The following VAT1L variants were observed in gnomAD, a reference collection of about 807,000 sequenced individuals.
The protein encoded by VAT1L is putative NADPH-dependent quinone oxidoreductase VAT1L.
Under a neutral mutation model 44.1 loss-of-function variants are expected in VAT1L, and 34 were observed. The ratio of observed to expected loss-of-function variants is 0.77; its 90% CI spans 0.59 to 1.03. The LOEUF is 1.03. VAT1L is among the 50% of genes least tolerant of loss of function. VAT1L has a pLI of 0.00. For missense variants in VAT1L, 615 were observed against 538.8 expected (o/e 1.14, Z -1.40); for synonymous variants, 253 against 202.2 (o/e 1.25, Z -2.13).
intron 1 of VAT1L, among the ~76,000 whole-genome samples, chr16:77,792,039 G>C (rs921229036): frequency 7.2e-5 from 11 of 152,100 alleles, no homozygotes; most frequent in Non-Finnish European, 1.6e-4. Context: ...ATGCCCCTGG[G>C]GGATGTGTCT....
intron 7 of VAT1L, among the ~76,000 whole-genome samples, chr16:77,952,087 G>A (rs1429817627): frequency 6.6e-6 from 1 of 152,174 alleles, no homozygotes; most frequent in Non-Finnish European, 1.5e-5. Flanking sequence ...CCCAGAGACT[G>A]GGAGATAGGG....
At chr16:77,844,900 A>C (rs1220316813) in intron 3 of VAT1L, among the ~76,000 whole-genome samples, 1 of 152,206 alleles carries the variant, frequency 6.6e-6, no homozygotes, top group Non-Finnish European at 1.5e-5. Flanking sequence ...TATCATAGAG[A>C]ATATCAGGCA....
Position 77,957,438 on chromosome 16 carries a change from A to AT in VAT1L, c.1078-14406dup, listed in dbSNP as rs980038692. Among the ~76,000 whole-genome samples the AT allele has an allele frequency of 2.2e-4, 33 of 152,254 alleles. 1 individual carries two copies. The highest frequency in any genetic ancestry group is 7.0e-4 in the African/African-American group (29 of 41,564). On this transcript the variant is annotated intron_variant, in intron 7 of 8. Transcript: ENST00000302536. ...AAAGCCAAAAAAAAGTTTAAAATCT[A>AT]TTTTTTAGCAAGGTGCAGTGGCTCA...
chr16:77,795,745 A>G (rs3906551), intron 1 of VAT1L, among the ~76,000 whole-genome samples: 28,531 of 148,984 alleles, frequency 0.19, 3,037 homozygotes, highest in African/African-American at 0.28. Flanking sequence ...GCAGACATGG[A>G]TTAAAATTTT....
intron 7 of VAT1L, among the ~76,000 whole-genome samples, chr16:77,957,834 T>C (rs1394058006): frequency 6.6e-6 from 1 of 151,420 alleles, no homozygotes. Context: ...TCGTGTGGAA[T>C]TGCAGGAGTG....
rs528550512 is a variant in VAT1L at position 77,811,498 on chromosome 16, C to T, written c.234-5423C>T. On this transcript the variant is annotated intron_variant, in intron 1 of 8. Transcript: ENST00000302536. ...TGGTTTATAGATCACACAATGACAG[C>T]CTGGTGGTCAGAACTCAAGCTTGGC... 9.9e-5 allele frequency among the ~76,000 whole-genome samples: 15 copies of T among 152,256 alleles called. 1 individual carries two copies. Among genetic ancestry groups the T allele is most frequent in the Admixed American group, 8.5e-4 (13 of 15,294 alleles).
chr16:77,944,591 GT>G (rs1357221058), intron 7 of VAT1L, among the ~76,000 whole-genome samples: 1 of 152,132 alleles, frequency 6.6e-6, no homozygotes, highest in Non-Finnish European at 1.5e-5. Context: ...GTATAAAATT[GT>G]TGTGAAGATT....
intron 3 of VAT1L, among the ~76,000 whole-genome samples, chr16:77,825,861 A>AAC (rs952847646): frequency 2.9e-4 from 44 of 149,812 alleles, no homozygotes; most frequent in Non-Finnish European, 4.6e-4. Flanking sequence ...CTAAAAATAA[A>AAC]AAAAAAAAAA....
chr16:77,975,379 T>C (rs2018327621), intron 8 of VAT1L, among the ~76,000 whole-genome samples: 1 of 151,752 alleles, frequency 6.6e-6, no homozygotes, highest in African/African-American at 2.4e-5. Flanking sequence ...ACCTGGCTAA[T>C]TTTTGTATTT....
At chr16:77,939,636 G>T (rs1252268322) in intron 7 of VAT1L, among the ~76,000 whole-genome samples, 2 of 152,120 alleles carry the variant, frequency 1.3e-5, no homozygotes, top group Admixed American at 6.6e-5. Context: ...AAACCCTCTT[G>T]CTACCGAAGG....
intron 3 of VAT1L, 54 bp from the exon 4 acceptor site, chr16:77,862,694 G>A (rs550683616): frequency 6.4e-5 from 100 of 1,568,984 alleles, no homozygotes; most frequent in Non-Finnish European, 7.7e-5. Context: ...CAGCAAGACT[G>A]GCTATGATCT....
At chr16:77,949,986 C>T (rs1039713382) in intron 7 of VAT1L, among the ~76,000 whole-genome samples, 12 of 152,186 alleles carry the variant, frequency 7.9e-5, no homozygotes, top group African/African-American at 2.7e-4. Flanking sequence ...CTTAAGTTTT[C>T]CCTCAGCCAT....
At chr16:77,920,739 T>C (rs2017602572) in intron 7 of VAT1L, among the ~76,000 whole-genome samples, 1 of 152,190 alleles carries the variant, frequency 6.6e-6, no homozygotes, top group Admixed American at 6.5e-5. Flanking sequence ...TTGCTTACAG[T>C]ATTCAGTCCA....
chr16:77,802,027 C>A (rs529001082), intron 1 of VAT1L, among the ~76,000 whole-genome samples: 1 of 152,162 alleles, frequency 6.6e-6, no homozygotes, highest in Non-Finnish European at 1.5e-5. Context: ...CTCTGTCTGA[C>A]CCCGGAGGAG....
chr16:77,838,373 G>T (rs538005927), intron 3 of VAT1L, among the ~76,000 whole-genome samples: 17 of 152,182 alleles, frequency 1.1e-4, no homozygotes, highest in African/African-American at 4.1e-4. Context: ...CGTGGTCTCT[G>T]TTCTCACTGA....
chr16:77,859,250 T>A (rs929564214), intron 3 of VAT1L, among the ~76,000 whole-genome samples: 1 of 151,760 alleles, frequency 6.6e-6, no homozygotes, highest in Non-Finnish European at 1.5e-5. Flanking sequence ...CAGTGAGCCA[T>A]GATTGAACCA....
At chr16:77,900,872 G>A (rs1353514883) in intron 7 of VAT1L, among the ~76,000 whole-genome samples, 1 of 151,964 alleles carries the variant, frequency 6.6e-6, no homozygotes, top group East Asian at 1.9e-4. Context: ...AATGCCCCAA[G>A]TCTGCTCATG....
chr16:77,952,816 C>T (rs2018059356), intron 7 of VAT1L, among the ~76,000 whole-genome samples: 1 of 135,076 alleles, frequency 7.4e-6, no homozygotes, highest in Admixed American at 8.4e-5. Context: ...AAGATGGTAC[C>T]ACTGCATTCT....
At chr16:77,900,907 A>G (rs1319141986) in intron 7 of VAT1L, among the ~76,000 whole-genome samples, 1 of 152,068 alleles carries the variant, frequency 6.6e-6, no homozygotes. Context: ...AATTAAGGGC[A>G]TGTTATGATG....
Sources: gnomAD v4.1 joint callset for allele counts (sites outside exome capture counted in the v4.1 genomes callset) on GRCh38, gnomAD v4.1.1 for gene constraint, MANE v1.5 for transcripts, NCBI Gene and HGNC (gene_info 2026-07-23, HGNC 2026-07-21) for gene names.